Variants in CENPI observed in about 807,000 individuals in gnomAD.
CENPI encodes the protein centromere protein I, also known as FSH primary response 1.
Under a neutral mutation model 60.4 loss-of-function variants are expected in CENPI, and 4 were observed. The ratio of observed to expected loss-of-function variants is 0.07; its 90% confidence interval spans 0.03 to 0.15. The LOEUF is 0.15. CENPI is among the 10% of genes least tolerant of loss of function. CENPI has a pLI of 1.00. For synonymous variants in CENPI, 157 were observed against 189.4 expected, an observed-to-expected ratio of 0.83 and a Z score of 1.40; for missense variants, 444 against 534.5, an observed-to-expected ratio of 0.83 and a Z score of 1.67.
chrX:101,116,071 C>A (rs1360366842), intron 6 of CENPI, among the ~76,000 whole-genome samples: 1 of 111,328 alleles, frequency 9.0e-6, no homozygotes, highest in Non-Finnish European at 1.9e-5. Context: ...TCCATGGATT[C>A]ATCCAATTAT....
intron 20 of CENPI, among the ~76,000 whole-genome samples, chrX:101,149,006 CAAT>C (rs891443869): frequency 5.4e-5 from 6 of 110,944 alleles, no homozygotes; most frequent in African/African-American, 2.0e-4. Context: ...TTAGAAAAAA[CAAT>C]AATAAGTGAT....
At chrX:101,106,762 C>T (rs900723818) in intron 4 of CENPI, among the ~76,000 whole-genome samples, 1 of 110,839 alleles carries the variant, frequency 9.0e-6, no homozygotes, top group Non-Finnish European at 1.9e-5. Flanking sequence ...CAGCCAATTC[C>T]AAGAATATCT....
At chrX:101,148,999 G>GA (rs768273763) in intron 20 of CENPI, among the ~76,000 whole-genome samples, 40 of 111,301 alleles carry the variant, frequency 3.6e-4, no homozygotes, top group African/African-American at 1.1e-3. Flanking sequence ...AGACATCTTA[G>GA]AAAAAACAAT....
chrX:101,168,045 G>C (rs150973506), downstream of CENPI, among the ~76,000 whole-genome samples: 3 of 112,482 alleles, frequency 2.7e-5, no homozygotes, highest in Non-Finnish European at 5.6e-5. Flanking sequence ...AGACCAGCCA[G>C]AAGTTTAAAA....
intron 6 of CENPI, among the ~76,000 whole-genome samples, chrX:101,114,260 AAAAC>A (rs747804973): frequency 8.0e-5 from 9 of 112,167 alleles, no homozygotes; most frequent in African/African-American, 2.6e-4. Flanking sequence ...TCTGTCTCAA[AAAAC>A]AAACAAACCA....
chrX:101,152,048 A>G (rs1452869093), intron 20 of CENPI, among the ~76,000 whole-genome samples: 4 of 109,291 alleles, frequency 3.7e-5, no homozygotes, highest in Admixed American at 9.9e-5. Flanking sequence ...TTACATATCT[A>G]TGTATTTGCC....
At chrX:101,143,534 T>C (rs775241025) in intron 16 of CENPI, among the ~76,000 whole-genome samples, 54 of 112,389 alleles carry the variant, frequency 4.8e-4, no homozygotes, top group Non-Finnish European at 9.0e-4. Flanking sequence ...AATATACATA[T>C]ATATATTTTG....
At chrX:101,162,468 AAAAAAAT>A (rs1251363909) in intron 21 of CENPI, among the ~76,000 whole-genome samples, 2 of 90,796 alleles carry the variant, frequency 2.2e-5, no homozygotes, top group Non-Finnish European at 4.3e-5. Context: ...AAAAAAAAAA[AAAAAAAT>A]ATATATATAT....
At chrX:101,107,853 T>TTTG in intron 4 of CENPI, among the ~76,000 whole-genome samples, 1 of 104,612 alleles carries the variant, frequency 9.6e-6, no homozygotes, top group Admixed American at 1.1e-4. Context: ...TTTTTTTTTT[T>TTTG]TGAGACGGAG....
At chrX:101,127,760 A>G in intron 11 of CENPI, 95 bp downstream of exon 11, 2 of 722,803 alleles carry the variant, frequency 2.8e-6, no homozygotes, top group South Asian at 5.9e-5. Flanking sequence ...TTTTTGAGAT[A>G]GGGTCTTACC....
At chrX:101,175,915 ACT>A in the CENPI span, among the ~76,000 whole-genome samples, 1 of 110,226 alleles carries the variant, frequency 9.1e-6, no homozygotes, top group South Asian at 3.9e-4. Flanking sequence ...TTAACTAATC[ACT>A]CTTTATCCTC....
chrX:101,122,811 G>T (rs2089693417), intron 8 of CENPI, among the ~76,000 whole-genome samples: 1 of 111,900 alleles, frequency 8.9e-6, no homozygotes, highest in Admixed American at 9.5e-5. Context: ...GGGAGGCGGA[G>T]GTTGCAGTGA....
At chrX:101,112,976 C>G (rs1382709700) in intron 6 of CENPI, among the ~76,000 whole-genome samples, 1 of 99,414 alleles carries the variant, frequency 1.0e-5, no homozygotes, top group African/African-American at 3.7e-5. Flanking sequence ...TTTTTTTTTT[C>G]TAAGTGTTCT....
At chrX:101,144,279 C>A (rs913513509) in intron 16 of CENPI, among the ~76,000 whole-genome samples, 2 of 108,698 alleles carry the variant, frequency 1.8e-5, no homozygotes, top group Admixed American at 2.0e-4. Context: ...GACAGGGTTT[C>A]ACCATGTTGG....
chrX:101,173,102 A>T, the CENPI span, among the ~76,000 whole-genome samples: 1 of 90,914 alleles, frequency 1.1e-5, no homozygotes, highest in African/African-American at 4.4e-5. Flanking sequence ...TGCAACCTCC[A>T]CATCCCGGGT....
At chrX:101,162,473 A>AAATATAT (rs1303045267) in intron 21 of CENPI, among the ~76,000 whole-genome samples, 31 of 68,108 alleles carry the variant, frequency 4.6e-4, no homozygotes, top group African/African-American at 2.0e-3. Context: ...AAAAAAAAAA[A>AAATATAT]ATATATATAT....
At chrX:101,139,222 G>A (rs1267878364) in intron 15 of CENPI, among the ~76,000 whole-genome samples, 3 of 103,505 alleles carry the variant, frequency 2.9e-5, no homozygotes, top group Admixed American at 2.1e-4. Flanking sequence ...AGCCTCCCGA[G>A]TAGCTGGGAT....
In CENPI at chrX:101,164,622, G is replaced by A. The variant is rs190046745; in HGVS notation, c.*1655G>A. Among the ~76,000 whole-genome samples the A allele has an allele frequency of 6.2e-5, 7 of 112,016 alleles. No homozygotes were observed. The highest frequency in any genetic ancestry group is 4.7e-3 in the Middle Eastern group (1 of 215). ...GTTGGGATTAGAGGTGTGAGCCATT[G>A]CACCCAGCCCAAAGTACCTGTTTTT... On this transcript the variant is annotated 3_prime_UTR_variant, in exon 22 of 22. Coordinates refer to ENST00000682095, the MANE Select transcript of CENPI (RefSeq NM_001386188.2).
the CENPI span, among the ~76,000 whole-genome samples, chrX:101,181,507 CTTAT>C: frequency 1.1e-3 from 123 of 112,230 alleles, no homozygotes; most frequent in Non-Finnish European, 1.9e-3. Context: ...AAGTCTTATA[CTTAT>C]TTTATTGAAT....
Sources: allele counts gnomAD v4.1 joint callset (sites outside exome capture counted in the v4.1 genomes callset), GRCh38; gene constraint gnomAD v4.1.1; transcripts MANE v1.5; gene names NCBI Gene and HGNC (gene_info 2026-07-23, HGNC 2026-07-21).